Variants in WWOX observed in about 807,000 individuals in gnomAD.
WWOX encodes the protein WW domain-containing oxidoreductase.
Under a neutral mutation model 46.2 loss-of-function variants are expected in WWOX, and 69 were observed. That is an observed-to-expected ratio of 1.49 (90% CI 1.23 to 1.82). The LOEUF (loss-of-function observed/expected upper bound fraction) is 1.82, where lower values mean the gene tolerates loss of function less well. WWOX is among the 40% of genes most tolerant of loss of function. The pLI is 0.00. For missense variants in WWOX, 919 were observed against 542.6 expected (o/e 1.69, Z -6.89); for synonymous variants, 359 against 202.6 (o/e 1.77, Z -6.56).
chr16:78,694,123 T>G (rs2048049539), intron 8 of WWOX, among the ~76,000 whole-genome samples: 1 of 152,076 alleles, frequency 6.6e-6, no homozygotes. Context: ...TCCCAGCTAC[T>G]CTGTAGGCTG....
chr16:79,081,434 G>T (rs1223780559), intron 8 of WWOX, among the ~76,000 whole-genome samples: 1 of 152,178 alleles, frequency 6.6e-6, no homozygotes, highest in African/African-American at 2.4e-5. Flanking sequence ...AAAGCGCTGG[G>T]ATTACAGGCA....
chr16:78,276,426 CTG>C (rs1217808118), intron 5 of WWOX, among the ~76,000 whole-genome samples: 2 of 152,198 alleles, frequency 1.3e-5, no homozygotes, highest in Non-Finnish European at 2.9e-5. Context: ...TAATCAGGCA[CTG>C]TGTGTCCACA....
In WWOX at chr16:78,868,887, C is replaced by G. The variant is rs139964469; in HGVS notation, c.1057-342721C>G. Among the ~76,000 whole-genome samples the G allele has an allele frequency of 4.5e-3, 691 of 152,246 alleles. 4 individuals are homozygous for G. Among genetic ancestry groups the G allele is most frequent in the African/African-American group, 0.016 (661 of 41,540 alleles). ...GGATTTTTAATATGTCTTTGCATCC[C>G]TTAGAAATTTGCACTTTTCCCCCCT... On this transcript the variant is annotated intron_variant, in intron 8 of 8. Transcript: ENST00000566780.
intron 5 of WWOX, among the ~76,000 whole-genome samples, chr16:78,223,820 A>G (rs755967456): frequency 1.2e-4 from 18 of 152,188 alleles, no homozygotes; most frequent in Non-Finnish European, 2.5e-4. Context: ...AAACAGCAGC[A>G]CAACAAAATA....
chr16:78,651,689 G>A (rs888913083), intron 8 of WWOX, among the ~76,000 whole-genome samples: 3 of 152,192 alleles, frequency 2.0e-5, no homozygotes, highest in African/African-American at 4.8e-5. Context: ...CTGTGCAGGT[G>A]TTAAGCATCA....
intron 8 of WWOX, among the ~76,000 whole-genome samples, chr16:79,074,417 T>TTTTTTTTTTTTTTTTTTTG (rs2048613693): frequency 8.3e-6 from 1 of 120,378 alleles, no homozygotes; most frequent in Non-Finnish European, 1.7e-5. Flanking sequence ...TCCTTTTTTT[T>TTTTTTTTTTTTTTTTTTTG]TTTTTTTTTT....
At chr16:78,817,169 A>ATTTTTT (rs1460643310) in intron 8 of WWOX, among the ~76,000 whole-genome samples, 4 of 26,574 alleles carry the variant, frequency 1.5e-4, no homozygotes, top group African/African-American at 3.1e-4. Context: ...CATTAGTGCT[A>ATTTTTT]TTCTTTTTTT....
intron 5 of WWOX, among the ~76,000 whole-genome samples, chr16:78,262,988 C>T (rs1003018171): frequency 6.6e-6 from 1 of 152,172 alleles, no homozygotes; most frequent in Non-Finnish European, 1.5e-5. Flanking sequence ...ATGGGCTTGC[C>T]TTATTTTTTC....
At chr16:78,814,169 T>G (rs2051269957) in intron 8 of WWOX, among the ~76,000 whole-genome samples, 1 of 152,018 alleles carries the variant, frequency 6.6e-6, no homozygotes, top group South Asian at 2.1e-4. Context: ...GCAAGCGGAG[T>G]CAGTTACTGG....
At chr16:78,355,066 A>C (rs1163372249) in intron 5 of WWOX, among the ~76,000 whole-genome samples, 1 of 151,936 alleles carries the variant, frequency 6.6e-6, no homozygotes, top group Non-Finnish European at 1.5e-5. Context: ...TGGGAGGTGG[A>C]GGTTGCAGTG....
At chr16:78,995,453 TC>T (rs1200368322) in intron 8 of WWOX, among the ~76,000 whole-genome samples, 2 of 152,166 alleles carry the variant, frequency 1.3e-5, no homozygotes, top group African/African-American at 4.8e-5. Flanking sequence ...AAGAATGGTT[TC>T]TTCACAGTGC....
At chr16:79,097,740 G>C (rs976558015) in intron 8 of WWOX, among the ~76,000 whole-genome samples, 2 of 152,104 alleles carry the variant, frequency 1.3e-5, no homozygotes, top group Non-Finnish European at 1.5e-5. Context: ...TTTTATTTAG[G>C]GAAGGCGATC....
chr16:78,414,657 A>G (rs967252359), intron 6 of WWOX, among the ~76,000 whole-genome samples: 5 of 152,246 alleles, frequency 3.3e-5, no homozygotes, highest in Non-Finnish European at 7.3e-5. Context: ...TGCATGAATA[A>G]TTGAGAAAGT....
At chr16:78,569,737 C>A (rs2044666236) in intron 8 of WWOX, among the ~76,000 whole-genome samples, 1 of 152,166 alleles carries the variant, frequency 6.6e-6, no homozygotes, top group Non-Finnish European at 1.5e-5. Context: ...TGAACGTTTT[C>A]ATTTATAAAG....
chr16:78,155,045 C>T (rs1199409202), intron 4 of WWOX, among the ~76,000 whole-genome samples: 2 of 152,174 alleles, frequency 1.3e-5, no homozygotes, highest in Non-Finnish European at 2.9e-5. Flanking sequence ...TAACCTGTCA[C>T]CACGTGGGAT....
At chr16:79,096,392 C>T (rs1444346803) in intron 8 of WWOX, among the ~76,000 whole-genome samples, 1 of 152,220 alleles carries the variant, frequency 6.6e-6, no homozygotes, top group African/African-American at 2.4e-5. Flanking sequence ...TCTGTTCTTC[C>T]TGCCAGTGCT....
intron 5 of WWOX, among the ~76,000 whole-genome samples, chr16:78,252,540 G>A (rs1015543243): frequency 2.0e-5 from 3 of 152,160 alleles, no homozygotes; most frequent in Non-Finnish European, 4.4e-5. Flanking sequence ...TTTCCCAGAT[G>A]GCAAATGACT....
chr16:78,713,689 A>T (rs553474768), intron 8 of WWOX, among the ~76,000 whole-genome samples: 29 of 152,330 alleles, frequency 1.9e-4, no homozygotes, highest in African/African-American at 7.0e-4. Context: ...AAGCCAAGGC[A>T]AGGGGCCTCC....
At chr16:78,837,462 TA>T (rs369000328) in intron 8 of WWOX, among the ~76,000 whole-genome samples, 5 of 152,302 alleles carry the variant, frequency 3.3e-5, no homozygotes, top group African/African-American at 1.2e-4. Flanking sequence ...AATGGACAAA[TA>T]TGGATGTCAC....
Sources: gnomAD v4.1 joint callset for allele counts (sites outside exome capture counted in the v4.1 genomes callset) on GRCh38, gnomAD v4.1.1 for gene constraint, MANE v1.5 for transcripts, NCBI Gene and HGNC (gene_info 2026-07-23, HGNC 2026-07-21) for gene names.